CEMIP: variants seen among roughly 807,000 people sequenced by gnomAD.
The protein encoded by CEMIP is cell migration inducing hyaluronidase 1.
A neutral mutation model predicts 156.9 loss-of-function variants in CEMIP; 105 were observed. That is an observed-to-expected ratio of 0.67 (90% CI 0.57 to 0.79). CEMIP has a LOEUF of 0.79. CEMIP is among the 30% of genes least tolerant of loss of function. CEMIP has a pLI of 0.00. For synonymous variants in CEMIP, 676 were observed against 668.4 expected, an observed-to-expected ratio of 1.01 and a Z score of -0.17; for missense variants, 1,457 against 1,769.4, an observed-to-expected ratio of 0.82 and a Z score of 3.17.
intron 7 of CEMIP, among the ~76,000 whole-genome samples, chr15:80,886,447 T>C (rs1226784358): frequency 1.3e-5 from 2 of 152,166 alleles, no homozygotes. Flanking sequence ...TTAAACACCG[T>C]TCAATAGTGA....
Position 80,948,811 on chromosome 15 carries a change from G to A in CEMIP, c.3973G>A (p.Val1325Ile), listed in dbSNP as rs368272610. The A allele has an allele frequency of 2.0e-5, 33 of 1,614,084 alleles. No homozygotes were observed. The East Asian group carries it at 2.7e-4, about 13-fold the overall frequency. Residue 1325 changes from valine (V) to isoleucine (I), a missense_variant, in exon 30 of 30, where the codon GTT becomes ATT. By Grantham distance (29) the Val-to-Ile change is conservative. This residue lies in a region of CEMIP where 798 missense variants were observed against 980.1 expected (regional missense o/e 0.81). Coordinates refer to ENST00000394685, the MANE Select transcript of CEMIP (RefSeq NM_001293298.2). ...TTGCTTTTCAGAGCAAATGGCATTC[G>A]TTGGCTTCAAAGGCAGCTTCCGGCC... Reference protein sequence around the residue: ...GLKLKEQMAFVGFKGSFRPIW... With the variant: ...GLKLKEQMAFIGFKGSFRPIW...
chr15:80,813,178 T>C (rs1222843245), intron 1 of CEMIP, among the ~76,000 whole-genome samples: 1 of 152,174 alleles, frequency 6.6e-6, no homozygotes, highest in Non-Finnish European at 1.5e-5. Flanking sequence ...TGGTCACTTC[T>C]GGGTTGATAA....
chr15:80,882,138 C>T (rs558788955), intron 6 of CEMIP, among the ~76,000 whole-genome samples: 4 of 152,274 alleles, frequency 2.6e-5, no homozygotes, highest in East Asian at 1.9e-4. Flanking sequence ...GAGCCAGCTA[C>T]GGTCAGGGGC....
chr15:80,825,264 G>A (rs4778859), intron 1 of CEMIP, among the ~76,000 whole-genome samples: 123,454 of 152,190 alleles, frequency 0.81, 50,331 homozygotes, highest in African/African-American at 0.84. Flanking sequence ...GCATGTGTGC[G>A]TAAAACTTCA....
At chr15:80,785,539 G>A (rs1328359692) in intron 1 of CEMIP, among the ~76,000 whole-genome samples, 5 of 152,192 alleles carry the variant, frequency 3.3e-5, no homozygotes, top group Admixed American at 2.6e-4. Flanking sequence ...TGAATACATG[G>A]TTCCTGCTCT....
intron 6 of CEMIP, among the ~76,000 whole-genome samples, chr15:80,882,244 C>T (rs767535906): frequency 2.4e-4 from 36 of 152,184 alleles, no homozygotes; most frequent in Non-Finnish European, 3.8e-4. Flanking sequence ...ACTTTCTCCC[C>T]GTAAAACACT....
At chr15:80,920,912 C>A in intron 15 of CEMIP, 120 bp from the exon 16 acceptor site, 1 of 774,744 alleles carries the variant, frequency 1.3e-6, no homozygotes, top group Non-Finnish European at 2.3e-6. Context: ...AATGATTTCT[C>A]AGATCTCTGA....
intron 1 of CEMIP, among the ~76,000 whole-genome samples, chr15:80,865,980 G>A (rs1030109307): frequency 3.3e-5 from 5 of 152,192 alleles, no homozygotes; most frequent in South Asian, 2.1e-4. Context: ...CGCAGTGGCC[G>A]CCCACGGGCT....
intron 1 of CEMIP, among the ~76,000 whole-genome samples, chr15:80,829,437 T>G (rs982883671): frequency 6.6e-6 from 1 of 152,236 alleles, no homozygotes; most frequent in Non-Finnish European, 1.5e-5. Context: ...GCTGTCTCAC[T>G]TCCACCTTTG....
At chr15:80,924,525 C>T (rs945629546) in intron 17 of CEMIP, 96 bp from the exon 18 acceptor site, 40 of 1,063,628 alleles carry the variant, frequency 3.8e-5, no homozygotes, top group South Asian at 3.4e-4. Flanking sequence ...CTGGTTTTCC[C>T]GGAGCATTCA....
chr15:80,796,233 C>G (rs551485851), intron 1 of CEMIP, among the ~76,000 whole-genome samples: 1 of 152,106 alleles, frequency 6.6e-6, no homozygotes, highest in Non-Finnish European at 1.5e-5. Flanking sequence ...GTCGGCCTCC[C>G]GAGCAGTTGG....
intron 1 of CEMIP, among the ~76,000 whole-genome samples, chr15:80,785,748 A>C (rs1895919353): frequency 6.6e-6 from 1 of 152,174 alleles, no homozygotes; most frequent in Non-Finnish European, 1.5e-5. Context: ...GAAGCTCAGA[A>C]AGGCCTAAAC....
chr15:80,801,401 C>A (rs775620421), intron 1 of CEMIP, among the ~76,000 whole-genome samples: 1 of 152,196 alleles, frequency 6.6e-6, no homozygotes, highest in African/African-American at 2.4e-5. Flanking sequence ...CTGGACCATG[C>A]GTCTCTCATC....
chr15:80,804,248 C>G (rs1896454083), intron 1 of CEMIP, among the ~76,000 whole-genome samples: 1 of 152,214 alleles, frequency 6.6e-6, no homozygotes. Context: ...ACCCCAAGAT[C>G]TCTTTTCAGC....
At chr15:80,917,330 GT>G (rs1900311867) in intron 14 of CEMIP, among the ~76,000 whole-genome samples, 1 of 152,096 alleles carries the variant, frequency 6.6e-6, no homozygotes, top group African/African-American at 2.4e-5. Context: ...AGAGGCCTGA[GT>G]TTGATCACAG....
At chr15:80,823,877 C>G (rs7181254) in intron 1 of CEMIP, among the ~76,000 whole-genome samples, 57,072 of 152,026 alleles carry the variant, frequency 0.38, 11,991 homozygotes, top group African/African-American at 0.57. Flanking sequence ...TGGGAATTCT[C>G]TCATCCACCT....
At chr15:80,795,419 G>A (rs1236044914) in intron 1 of CEMIP, among the ~76,000 whole-genome samples, 1 of 151,930 alleles carries the variant, frequency 6.6e-6, no homozygotes, top group Non-Finnish European at 1.5e-5. Context: ...AAGTGTGGGT[G>A]GATCCAGCTG....
At chr15:80,839,683 T>G (rs1159573440) in intron 1 of CEMIP, among the ~76,000 whole-genome samples, 1 of 152,158 alleles carries the variant, frequency 6.6e-6, no homozygotes, top group Non-Finnish European at 1.5e-5. Flanking sequence ...CATTAGAAAG[T>G]TCCATCCTCT....
In CEMIP at chr15:80,951,289, CAT is replaced by C. The variant is rs1333740846; in HGVS notation, c.*2368_*2369del. 10 of 152,650 alleles carry C rather than the reference CAT, an allele frequency of 6.6e-5. No homozygotes were observed. The highest frequency in any genetic ancestry group is 2.4e-4 in the African/African-American group (10 of 41,460). The allele number at this position is 152,650 out of a possible 1,614,324, so 9.5% of individuals were successfully genotyped here. ...CTATTTGAAAGTTCTCAGAGTTGTACATATGTTTCACAGTACAGGATCTGTAC... is the reference window on the plus strand; with the variant it reads ...CTATTTGAAAGTTCTCAGAGTTGTACATGTTTCACAGTACAGGATCTGTAC... On this transcript the variant is annotated 3_prime_UTR_variant, in exon 30 of 30. Coordinates refer to ENST00000394685, the MANE Select transcript of CEMIP (RefSeq NM_001293298.2).
Sources: allele counts gnomAD v4.1 joint callset (sites outside exome capture counted in the v4.1 genomes callset), GRCh38; gene constraint gnomAD v4.1.1; regional missense constraint gnomAD v4.1.1; transcripts MANE v1.5; gene names NCBI Gene and HGNC (gene_info 2026-07-23, HGNC 2026-07-21).